The following RAD9B variants were observed in gnomAD, a reference collection of about 807,000 sequenced individuals.
RAD9B encodes cell cycle checkpoint control protein RAD9B.
Under a neutral mutation model 48.3 loss-of-function variants are expected in RAD9B, and 41 were observed. The ratio of observed to expected loss-of-function variants is 0.85; its 90% CI spans 0.66 to 1.10. The LOEUF is 1.10. Among genes scored for constraint, RAD9B ranks in the 50% least tolerant of loss-of-function variants. RAD9B has a pLI of 0.00. For missense variants in RAD9B, 444 were observed against 485.1 expected (o/e 0.92, Z 0.80); for synonymous variants, 160 against 157.9 (o/e 1.01, Z -0.10).
chr12:110,526,629 G>T (rs1338945477), intron 10 of RAD9B, among the ~76,000 whole-genome samples: 1 of 151,210 alleles, frequency 6.6e-6, no homozygotes, highest in Admixed American at 6.6e-5. Flanking sequence ...CCTCCAATTG[G>T]TCGGGCACGG....
At position 110,513,252 on chromosome 12, in the gene RAD9B, G is replaced by A. The variant is rs1018247329; in HGVS notation, c.488+374G>A. ...TAAAGTGCTGGTATTACAGGCGTGA[G>A]CCACCACGCCCTGCCATTACATTTT... On this transcript the variant is annotated intron_variant, in intron 5 of 10. Transcript: ENST00000409300. Among the ~76,000 whole-genome samples, 29 of 151,238 alleles carry A rather than the reference G, an allele frequency of 1.9e-4. 1 individual carries two copies. Among genetic ancestry groups the A allele is most frequent in the Middle Eastern group, 6.4e-3 (2 of 312 alleles).
chr12:110,506,839 T>C (rs1268663849), intron 4 of RAD9B, 146 bp downstream of exon 4: 1 of 491,340 alleles, frequency 2.0e-6, no homozygotes, highest in Non-Finnish European at 3.6e-6. Flanking sequence ...TTTGAAGTAT[T>C]ATCCTTTTTT....
chr12:110,505,493 C>A, intron 2 of RAD9B, 124 bp from the exon 3 acceptor site: 1 of 667,050 alleles, frequency 1.5e-6, no homozygotes, highest in Non-Finnish European at 2.3e-6. Context: ...GTTGGCCAGG[C>A]TGGTCTCAGA....
In RAD9B at chr12:110,518,685, A is replaced by G. The variant is rs770458589; in HGVS notation, c.605A>G (p.Asn202Ser). 2.5e-6 allele frequency: 4 copies of G among 1,599,432 alleles called. No individual in the cohort carries two copies. The highest frequency in any genetic ancestry group is 3.4e-5 in the Admixed American group (2 of 58,706). ...SSNEESMDLSNAVHSEMFVGS... is the reference protein window; with the variant it reads ...SSNEESMDLSSAVHSEMFVGS... ...CCATAATATTAAACAGATTTGAGCAATGCTGTACACAGTGAGATGTTTGTT... is the reference window on the plus strand; with the variant it reads ...CCATAATATTAAACAGATTTGAGCAGTGCTGTACACAGTGAGATGTTTGTT... Residue 202 changes from asparagine to serine, a missense_variant, in exon 7 of 11, where the codon AAT (asparagine) becomes AGT (serine). Coordinates refer to ENST00000409300, the MANE Select transcript of RAD9B (RefSeq NM_001286535.2).
intron 6 of RAD9B, among the ~76,000 whole-genome samples, chr12:110,517,786 AC>A (rs2063651965): frequency 1.3e-5 from 2 of 150,512 alleles, no homozygotes; most frequent in African/African-American, 5.0e-5. Context: ...ACACACACAC[AC>A]ACAAATAATT....
intron 8 of RAD9B, 84 bp from the exon 9 acceptor site, chr12:110,519,710 T>A: frequency 6.9e-7 from 1 of 1,459,608 alleles, no homozygotes; most frequent in Admixed American, 2.5e-5. Flanking sequence ...TTCTTTTTAG[T>A]CCAGAATTAA....
intron 10 of RAD9B, among the ~76,000 whole-genome samples, chr12:110,527,946 T>C (rs1351105832): frequency 1.3e-5 from 2 of 151,944 alleles, no homozygotes; most frequent in African/African-American, 4.8e-5. Context: ...GCCTGGGGGC[T>C]TGAAGGAGCT....
chr12:110,503,739 A>C (rs1002050446), intron 1 of RAD9B, 67 bp from the exon 2 acceptor site: 67 of 1,090,894 alleles, frequency 6.1e-5, no homozygotes, highest in Non-Finnish European at 7.9e-5. Context: ...ATGCTGAACT[A>C]GTCTTGTGAT....
chr12:110,503,974 A>C (rs1012926136), intron 2 of RAD9B, 98 bp downstream of exon 2: 3 of 668,606 alleles, frequency 4.5e-6, no homozygotes, highest in African/African-American at 3.7e-5. Context: ...CAGAAATTGT[A>C]ATTATCCCTT....
chr12:110,506,219 C>T (rs563009332), intron 3 of RAD9B, among the ~76,000 whole-genome samples: 7 of 141,144 alleles, frequency 5.0e-5, no homozygotes, highest in East Asian at 2.2e-4. Context: ...GACGGAGTCT[C>T]GCTTTGTCGC....
At chr12:110,524,226 A>G (rs1050933373) in intron 10 of RAD9B, among the ~76,000 whole-genome samples, 2 of 152,244 alleles carry the variant, frequency 1.3e-5, no homozygotes, top group African/African-American at 4.8e-5. Flanking sequence ...AATTGTAAAG[A>G]TTGAGCTAAA....
At chr12:110,523,478 G>A (rs370652912) in intron 10 of RAD9B, among the ~76,000 whole-genome samples, 5 of 152,120 alleles carry the variant, frequency 3.3e-5, no homozygotes, top group East Asian at 3.8e-4. Flanking sequence ...TTTTAGGGCA[G>A]AATTTGATTA....
chr12:110,520,626 TTC>T (rs1267601172), intron 9 of RAD9B, among the ~76,000 whole-genome samples: 1 of 87,882 alleles, frequency 1.1e-5, no homozygotes, highest in Non-Finnish European at 2.3e-5. Flanking sequence ...CTTTCTTGCT[TTC>T]TTTTTTTTTT....
In RAD9B at chr12:110,503,867, TA is replaced by T; in HGVS notation, c.114del (p.Gly39ValfsTer4). 9 of 1,563,368 alleles carry T rather than the reference TA, an allele frequency of 5.8e-6. No individual in the cohort carries two copies. The highest frequency in any genetic ancestry group is 2.3e-5 in the East Asian group (1 of 43,492). On this transcript the variant is annotated frameshift_variant, in exon 2 of 11. Coordinates refer to ENST00000409300, the MANE Select transcript of RAD9B (RefSeq NM_001286535.2). LOFTEE classifies it high-confidence loss of function. The stretch of plus-strand genomic sequence containing the variant: ...GTGACGAGTTCTGGCTAGACCCATC[TA>T]AAAAAGGTGTAAGTAAGAAAGTTAA... ...ISDEFWLDPS[K>X]KGLALRCVNS... is the part of the protein sequence containing the mutation.
At chr12:110,513,922 G>A (rs147070304) in intron 5 of RAD9B, among the ~76,000 whole-genome samples, 166 of 151,642 alleles carry the variant, frequency 1.1e-3, no homozygotes, top group Non-Finnish European at 1.8e-3. Context: ...ACGGGGTTTC[G>A]CCATGTTGCT....
chr12:110,509,392 A>G (rs368079172), intron 4 of RAD9B, among the ~76,000 whole-genome samples: 1 of 151,872 alleles, frequency 6.6e-6, no homozygotes, highest in African/African-American at 2.4e-5. Flanking sequence ...GGAATGAGCA[A>G]CCACGCCCAC....
Position 110,512,801 on chromosome 12 carries a change from A to C in RAD9B, c.411A>C (p.Ile137=), listed in dbSNP as rs1383889459. The C allele has an allele frequency of 6.9e-6, 10 of 1,441,764 alleles. No individual in the cohort carries two copies. Among genetic ancestry groups the C allele is most frequent in the Non-Finnish European group, 7.6e-6 (8 of 1,046,200 alleles). 89.3% of individuals were successfully genotyped at this position (1,441,764 alleles called of 1,614,324 possible). ...YRHGIKRTHN[I]CFQESQPLQV... is the part of the protein sequence containing the mutation. ...AAGGTATTAAAAGAACTCATAATAT[A>C]TGTTTTCAAGAAAGTCAGCCTTTGC... The change falls in exon 5 of 11, where the codon ATA becomes ATC. Residue 137 remains isoleucine (I), a synonymous_variant. Coordinates refer to ENST00000409300, the MANE Select transcript of RAD9B (RefSeq NM_001286535.2).
intron 4 of RAD9B, among the ~76,000 whole-genome samples, chr12:110,507,216 T>G (rs2063303345): frequency 6.6e-6 from 1 of 151,770 alleles, no homozygotes; most frequent in East Asian, 1.9e-4. Context: ...TGATCGGTAT[T>G]ATTTCTTTTT....
chr12:110,520,500 C>T (rs1213746218), intron 9 of RAD9B, among the ~76,000 whole-genome samples: 2 of 151,422 alleles, frequency 1.3e-5, no homozygotes, highest in African/African-American at 4.9e-5. Flanking sequence ...GTGTGAGTCA[C>T]CACATCGGGC....
Sources: gnomAD v4.1 joint callset for allele counts (sites outside exome capture counted in the v4.1 genomes callset) on GRCh38, gnomAD v4.1.1 for gene constraint, MANE v1.5 for transcripts, NCBI Gene and HGNC (gene_info 2026-07-23, HGNC 2026-07-21) for gene names.